Variants in WNT10A observed in about 807,000 individuals in gnomAD.
WNT10A encodes the protein protein Wnt-10a.
A neutral mutation model predicts 36.1 loss-of-function variants in WNT10A; 37 were observed. That is an observed-to-expected ratio of 1.02 (90% CI 0.79 to 1.35). WNT10A has a LOEUF of 1.35. WNT10A is among the 40% of genes most tolerant of loss of function. The probability of loss-of-function intolerance (pLI) is 0.00; values close to 1 mark genes in which losing one functional copy is unlikely to be tolerated. For missense variants in WNT10A, 613 were observed against 601.4 expected (o/e 1.02, Z -0.20); for synonymous variants, 255 against 254.1 (o/e 1.00, Z -0.03).
At chr2:218,891,284 G>A (rs989186061) in intron 3 of WNT10A, among the ~76,000 whole-genome samples, 4 of 152,160 alleles carry the variant, frequency 2.6e-5, no homozygotes, top group African/African-American at 9.7e-5. Flanking sequence ...ATGCCCTGTT[G>A]GCTCTCATGG....
intron 2 of WNT10A, 63 bp from the exon 3 acceptor site, chr2:218,889,921 G>T: frequency 6.2e-7 from 1 of 1,608,398 alleles, no homozygotes. Context: ...TGAGAAAGGT[G>T]GGCTGGAGAA....
intron 1 of WNT10A, among the ~76,000 whole-genome samples, chr2:218,881,750 G>A (rs1175605602): frequency 6.6e-6 from 1 of 152,188 alleles, no homozygotes; most frequent in East Asian, 1.9e-4. Context: ...GTGCGTAAGT[G>A]TGCTGGGGTT....
chr2:218,885,075 G>A (rs1944563926), intron 2 of WNT10A, among the ~76,000 whole-genome samples: 1 of 152,144 alleles, frequency 6.6e-6, no homozygotes, highest in Admixed American at 6.5e-5. Context: ...GGGAGAAGAG[G>A]GCTTGAGCAT....
chr2:218,879,375 T>C (rs902784525), upstream of WNT10A, among the ~76,000 whole-genome samples: 1 of 152,220 alleles, frequency 6.6e-6, no homozygotes, highest in African/African-American at 2.4e-5. Flanking sequence ...GTGTAAAGGC[T>C]TGTGCCCATT....
chr2:218,875,805 G>T, the WNT10A span, among the ~76,000 whole-genome samples: 1 of 152,234 alleles, frequency 6.6e-6, no homozygotes, highest in African/African-American at 2.4e-5. Context: ...GTAAATGATA[G>T]TTACTGTGAG....
chr2:218,888,889 G>A (rs1365643142), intron 2 of WNT10A, among the ~76,000 whole-genome samples: 2 of 152,096 alleles, frequency 1.3e-5, no homozygotes, highest in Non-Finnish European at 2.9e-5. Context: ...TTCCAAAATT[G>A]TGTACATTTT....
At chr2:218,880,735 G>A (rs1056278516), upstream of WNT10A, 2 of 429,482 alleles carry the variant, frequency 4.7e-6, no homozygotes, top group East Asian at 4.2e-5. This position sits in a 1 kb window ranked among gnomAD's most constrained non-coding sequence, Gnocchi z 7.7. Context: ...GGGGGGCCTC[G>A]GGAAATTCCC....
At chr2:218,892,751 C>A in intron 3 of WNT10A, 23 bp from the exon 4 acceptor site, 1 of 1,569,010 alleles carries the variant, frequency 6.4e-7, no homozygotes, top group South Asian at 1.2e-5. Context: ...CCGTGTCACC[C>A]CTCACGGTGC....
intron 1 of WNT10A, 48 bp downstream of exon 1, chr2:218,881,156 G>A (rs1336078814): frequency 6.4e-7 from 1 of 1,554,158 alleles, no homozygotes; most frequent in East Asian, 2.4e-5. Context: ...TGGGACCCCG[G>A]CCTGCAGGGG....
At chr2:218,887,043 C>T (rs978680467) in intron 2 of WNT10A, among the ~76,000 whole-genome samples, 1 of 152,194 alleles carries the variant, frequency 6.6e-6, no homozygotes, top group Non-Finnish European at 1.5e-5. Context: ...ATCCCTGGAC[C>T]AGCCTCATCC....
the WNT10A span, among the ~76,000 whole-genome samples, chr2:218,875,512 T>G: frequency 6.6e-6 from 1 of 152,132 alleles, no homozygotes; most frequent in Admixed American, 6.6e-5. Context: ...CAAAGGAAAG[T>G]GTACCAAACT....
chr2:218,892,908 C>CACG lies in WNT10A; in HGVS notation c.892_894dup (p.Thr298dup). The CACG allele has an allele frequency of 6.5e-7, 1 of 1,528,346 alleles. No homozygotes were observed. The highest frequency in any genetic ancestry group is 8.8e-7 in the Non-Finnish European group (1 of 1,140,848). The allele number at this position is 1,528,346 out of a possible 1,614,324, so 94.7% of individuals were successfully genotyped here. ...TGCTGCGCAGCCGCTTCCACCGCGC[C>CACG]ACGCTCATCCGGCCGCACAACCGCA... is the stretch of plus-strand genomic sequence containing the variant. On this transcript the variant is annotated inframe_insertion, in exon 4 of 4. Coordinates refer to ENST00000258411, the MANE Select transcript of WNT10A (RefSeq NM_025216.3).
upstream of WNT10A, among the ~76,000 whole-genome samples, chr2:218,878,342 G>A (rs1944471754): frequency 6.6e-6 from 1 of 152,158 alleles, no homozygotes; most frequent in South Asian, 2.1e-4. This position sits in a 1 kb window ranked among gnomAD's most constrained non-coding sequence, Gnocchi z 4.1. Context: ...TGACACCAGG[G>A]CAGAGCCACG....
intron 2 of WNT10A, among the ~76,000 whole-genome samples, chr2:218,887,656 G>A (rs1191990627): frequency 1.3e-5 from 2 of 152,218 alleles, no homozygotes; most frequent in South Asian, 2.1e-4. Context: ...GGTGGCCCAA[G>A]TGACCTATTC....
chr2:218,891,714 C>T (rs1353239723), intron 3 of WNT10A, among the ~76,000 whole-genome samples: 4 of 152,208 alleles, frequency 2.6e-5, no homozygotes, highest in African/African-American at 4.8e-5. Context: ...TGGTCTGGTT[C>T]CCACGTGGTG....
intron 1 of WNT10A, among the ~76,000 whole-genome samples, chr2:218,881,540 C>CTGTGTGTGTGTG (rs142861827): frequency 7.1e-6 from 1 of 141,540 alleles, no homozygotes; most frequent in African/African-American, 2.9e-5. Flanking sequence ...GCTGCAAGAG[C>CTGTGTGTGTGTG]TGTGTGTGTG....
chr2:218,882,318 A>T lies in WNT10A; in HGVS notation c.271A>T (p.Ile91Phe). The T allele has an allele frequency of 6.2e-7, 1 of 1,614,112 alleles. No individual in the cohort carries two copies. Among genetic ancestry groups the T allele is most frequent in the Non-Finnish European group, 8.5e-7 (1 of 1,180,010 alleles). ...TGCCTCAGCCATACAGGGCATCCAG[A>T]TCGCCATCCACGAATGCCAACACCA... ...VAASAIQGIQ[I>F]AIHECQHQFR... Residue 91 changes from isoleucine to phenylalanine, a missense_variant, in exon 2 of 4, where the codon ATC (isoleucine) becomes TTC (phenylalanine). Coordinates refer to ENST00000258411, the MANE Select transcript of WNT10A (RefSeq NM_025216.3).
chr2:218,891,962 G>A (rs1162627678), intron 3 of WNT10A, among the ~76,000 whole-genome samples: 1 of 152,136 alleles, frequency 6.6e-6, no homozygotes, highest in Non-Finnish European at 1.5e-5. Flanking sequence ...CAGGTTGTGA[G>A]CTGGGTTGGG....
upstream of WNT10A, among the ~76,000 whole-genome samples, chr2:218,880,034 G>A (rs768218048): frequency 2.6e-5 from 4 of 152,140 alleles, no homozygotes; most frequent in Non-Finnish European, 5.9e-5. This position sits in a 1 kb window ranked among gnomAD's most constrained non-coding sequence, Gnocchi z 7.7. Flanking sequence ...GGAGCAGGAG[G>A]CACCTGTTTA....
Sources: gnomAD v4.1 joint callset for allele counts (sites outside exome capture counted in the v4.1 genomes callset) on GRCh38, gnomAD v4.1.1 for gene constraint, Gnocchi (gnomAD v3.1) non-coding constraint, MANE v1.5 for transcripts, NCBI Gene and HGNC (gene_info 2026-07-23, HGNC 2026-07-21) for gene names.